DNAAF4: variants seen among roughly 807,000 people sequenced by gnomAD.
DNAAF4 encodes dynein axonemal assembly factor 4, also known as dynein assembly factor 4, axonemal.
Under a neutral mutation model 51.8 loss-of-function variants are expected in DNAAF4, and 43 were observed. That is an observed-to-expected ratio of 0.83 (90% CI 0.65 to 1.07). The LOEUF is 1.07. Among genes scored for constraint, DNAAF4 ranks in the 50% least tolerant of loss-of-function variants. DNAAF4 has a pLI of 0.00. For missense variants in DNAAF4, 581 were observed against 493.0 expected (o/e 1.18, Z -1.69); for synonymous variants, 194 against 165.6 (o/e 1.17, Z -1.32).
At chr15:55,468,261 T>C (rs2058198228) in intron 4 of DNAAF4, among the ~76,000 whole-genome samples, 1 of 152,224 alleles carries the variant, frequency 6.6e-6, no homozygotes, top group African/African-American at 2.4e-5. Flanking sequence ...ATGAAACCTG[T>C]GCACTGAAAG....
chr15:55,482,506 C>T (rs1234494268), intron 4 of DNAAF4, among the ~76,000 whole-genome samples: 1 of 151,944 alleles, frequency 6.6e-6, no homozygotes, highest in Non-Finnish European at 1.5e-5. Context: ...GCAAAACCCC[C>T]TCTCTACCAA....
intron 1 of DNAAF4, among the ~76,000 whole-genome samples, chr15:55,501,849 C>T (rs1447364744): frequency 6.6e-6 from 1 of 151,708 alleles, no homozygotes; most frequent in East Asian, 2.0e-4. Flanking sequence ...TTGAGACCAG[C>T]CTGGCCAACA....
In DNAAF4 at chr15:55,439,574, T is replaced by C. The variant is rs375468265; in HGVS notation, c.791A>G (p.His264Arg). The change falls in exon 7 of 10, where the codon CAC becomes CGC. Residue 264 changes from histidine (H) to arginine (R), a missense_variant. By Grantham distance (29) the His-to-Arg change is conservative (BLOSUM62 0). Coordinates refer to ENST00000321149, the MANE Select transcript of DNAAF4 (RefSeq NM_130810.4). ...TGCTCTTCGTGCCTCAGCTTGTTTG[T>C]GTAGCCACTAGAATGAGAAAGAAGT... ...SQVAEEEEWL[H>R]KQAEARRAMN... 332 of 1,613,776 alleles carry C rather than the reference T, an allele frequency of 2.1e-4. No individual in the cohort carries two copies. In the Middle Eastern group the frequency reaches 6.6e-3, roughly 32 times the overall value.
chr15:55,419,192 A>T lies in DNAAF4; in HGVS notation c.1048-1059T>A, dbSNP rs576612388. Among the ~76,000 whole-genome samples, 24 of 152,254 alleles carry T rather than the reference A, an allele frequency of 1.6e-4. No homozygotes were observed. In the South Asian group the frequency reaches 5.0e-3, roughly 32 times the overall value. On this transcript the variant is annotated intron_variant, in intron 7 of 7. Transcript: ENST00000448430. ...CGGCCACCCAAAGTGCTGAGATTACAGGTGTGAGTCACTGTGCCCAGCCAA... is the reference window on the plus strand; with the variant it reads ...CGGCCACCCAAAGTGCTGAGATTACTGGTGTGAGTCACTGTGCCCAGCCAA...
intron 6 of DNAAF4, among the ~76,000 whole-genome samples, chr15:55,446,381 T>TCC (rs2057815512): frequency 3.0e-5 from 1 of 33,110 alleles, no homozygotes. Flanking sequence ...TCCCAGATGA[T>TCC]GGGCGGCCGG....
chr15:55,490,056 T>C (rs948952817), intron 4 of DNAAF4, among the ~76,000 whole-genome samples: 2 of 151,950 alleles, frequency 1.3e-5, no homozygotes, highest in African/African-American at 4.8e-5. Flanking sequence ...GTATTTTTAG[T>C]AGAGACAGGG....
intron 7 of DNAAF4, chr15:55,418,441 T>A: frequency 6.6e-7 from 1 of 1,523,440 alleles, no homozygotes; most frequent in South Asian, 1.2e-5. Flanking sequence ...TCCCCTGCAA[T>A]TATACTCCAA....
intron 1 of DNAAF4, among the ~76,000 whole-genome samples, chr15:55,503,637 C>T (rs923140286): frequency 5.9e-5 from 9 of 152,096 alleles, no homozygotes; most frequent in Admixed American, 2.6e-4. Flanking sequence ...AATCAATAAA[C>T]ATAATCCATC....
chr15:55,459,629 CAG>C (rs1230102612), intron 5 of DNAAF4, among the ~76,000 whole-genome samples: 1 of 152,044 alleles, frequency 6.6e-6, no homozygotes, highest in Non-Finnish European at 1.5e-5. Flanking sequence ...GACTCATAAA[CAG>C]GGTGGAAAAA....
intron 6 of DNAAF4, among the ~76,000 whole-genome samples, chr15:55,448,797 G>C (rs1021824810): frequency 5.3e-5 from 8 of 151,334 alleles, no homozygotes; most frequent in African/African-American, 1.7e-4. Flanking sequence ...ATGAACCCAG[G>C]AGGTGGAGCT....
chr15:55,466,568 C>G (rs2058173548), intron 5 of DNAAF4, among the ~76,000 whole-genome samples: 1 of 152,052 alleles, frequency 6.6e-6, no homozygotes, highest in Non-Finnish European at 1.5e-5. Context: ...AATGAAATTC[C>G]TAGTTTCTTA....
At chr15:55,474,676 C>T (rs1191582515) in intron 4 of DNAAF4, among the ~76,000 whole-genome samples, 5 of 152,094 alleles carry the variant, frequency 3.3e-5, no homozygotes, top group African/African-American at 1.2e-4. Context: ...ATAAGCTTAG[C>T]AAAATATAAG....
At chr15:55,484,375 C>A (rs1199624356) in intron 4 of DNAAF4, among the ~76,000 whole-genome samples, 3 of 151,524 alleles carry the variant, frequency 2.0e-5, no homozygotes, top group Admixed American at 1.3e-4. Flanking sequence ...GTCCCAGCTA[C>A]TGGGGAGGCT....
downstream of DNAAF4, among the ~76,000 whole-genome samples, chr15:55,428,930 A>G (rs2057458698): frequency 6.6e-6 from 1 of 151,892 alleles, no homozygotes; most frequent in African/African-American, 2.4e-5. Flanking sequence ...CCTTTAAACT[A>G]AATTTGTTAG....
chr15:55,487,218 C>G (rs371105540), intron 4 of DNAAF4, among the ~76,000 whole-genome samples: 21 of 152,208 alleles, frequency 1.4e-4, no homozygotes, highest in African/African-American at 5.1e-4. Flanking sequence ...CGCTCTGTGT[C>G]TAGCTAAAGG....
At chr15:55,459,710 C>CTTTCT (rs1555416992) in intron 5 of DNAAF4, among the ~76,000 whole-genome samples, 3 of 146,020 alleles carry the variant, frequency 2.1e-5, no homozygotes, top group African/African-American at 7.6e-5. Context: ...TTCTTTCTTT[C>CTTTCT]TTTTTTTTTT....
chr15:55,473,828 C>T (rs2058300322), intron 4 of DNAAF4, among the ~76,000 whole-genome samples: 1 of 151,524 alleles, frequency 6.6e-6, no homozygotes, highest in African/African-American at 2.4e-5. Context: ...CCTATCTCTA[C>T]AAAAAATAAA....
chr15:55,462,237 A>G (rs896349061), intron 5 of DNAAF4, among the ~76,000 whole-genome samples: 1 of 151,856 alleles, frequency 6.6e-6, no homozygotes, highest in Non-Finnish European at 1.5e-5. Flanking sequence ...TCTTGCCCCC[A>G]GGCTGGAATG....
intron 4 of DNAAF4, among the ~76,000 whole-genome samples, chr15:55,479,558 A>G (rs1475873404): frequency 6.6e-6 from 1 of 151,994 alleles, no homozygotes; most frequent in Non-Finnish European, 1.5e-5. Flanking sequence ...GGAACAAGGG[A>G]AGACAACCAT....
Sources: gnomAD v4.1 joint callset for allele counts (sites outside exome capture counted in the v4.1 genomes callset) on GRCh38, gnomAD v4.1.1 for gene constraint, MANE v1.5 for transcripts, NCBI Gene and HGNC (gene_info 2026-07-23, HGNC 2026-07-21) for gene names.